The following NEB variants were observed in gnomAD, a reference collection of about 807,000 sequenced individuals.
The protein encoded by NEB is nebulin, also known as nemaline myopathy type 2.
A neutral mutation model predicts 952.2 loss-of-function variants in NEB; 512 were observed. The ratio of observed to expected loss-of-function variants is 0.54; its 90% CI spans 0.50 to 0.58. The LOEUF is 0.58. Among genes scored for constraint, NEB ranks in the 20% least tolerant of loss-of-function variants. The pLI, the probability that NEB is intolerant of heterozygous loss-of-function variation, is 0.00. For missense variants in NEB, 8,428 were observed against 9,231.1 expected (o/e 0.91, Z 3.56); for synonymous variants, 2,900 against 3,149.8 (o/e 0.92, Z 2.66).
chr2:151,646,109 A>G, intron 55 of NEB, 21 bp downstream of exon 55: 2 of 1,514,958 alleles, frequency 1.3e-6, no homozygotes, highest in Non-Finnish European at 1.8e-6. Context: ...CTGAAAACAC[A>G]TGCTGAATTT....
At chr2:151,666,750 C>T (rs2099223118) in intron 40 of NEB, among the ~76,000 whole-genome samples, 2 of 151,722 alleles carry the variant, frequency 1.3e-5, no homozygotes, top group South Asian at 4.2e-4. Flanking sequence ...CTTGCTCTGT[C>T]CCCCAGGCTA....
chr2:151,672,535 T>C lies in NEB; in HGVS notation c.4133A>G (p.Lys1378Arg), dbSNP rs752086781. The change falls in exon 37 of 182, where the codon AAA (lysine) becomes AGA (arginine). Residue 1378 changes from lysine to arginine, a missense_variant. Transcript: ENST00000397345. ...GTCCCCAGGGGTATGGTAGCTGGTT[T>C]TGGTGTTCTCATAGTTCTTCTTGTA... ...REYKKNYENTKTSYHTPGDMV... is the reference protein window; with the variant it reads ...REYKKNYENTRTSYHTPGDMV... The C allele has an allele frequency of 1.2e-6, 2 of 1,614,020 alleles. No individual in the cohort carries two copies. Among genetic ancestry groups the C allele is most frequent in the Admixed American group, 3.3e-5 (2 of 60,020 alleles).
At chr2:151,700,370 C>T (rs1210155220) in intron 13 of NEB, among the ~76,000 whole-genome samples, 104 of 63,806 alleles carry the variant, frequency 1.6e-3, no homozygotes, top group Middle Eastern at 9.5e-3. Context: ...TCCATATGAA[C>T]TTTAAAGTAG....
At chr2:151,713,583 C>T (rs1476651656) in intron 10 of NEB, among the ~76,000 whole-genome samples, 1 of 152,116 alleles carries the variant, frequency 6.6e-6, no homozygotes, top group African/African-American at 2.4e-5. Context: ...GAAATTCCAA[C>T]CTGAAATCTC....
intron 107 of NEB, among the ~76,000 whole-genome samples, chr2:151,573,047 G>C (rs1340162115): frequency 6.6e-6 from 1 of 152,088 alleles, no homozygotes; most frequent in Non-Finnish European, 1.5e-5. Context: ...ACTTTAACGT[G>C]AATTTGCTTT....
chr2:151,656,348 C>G lies in NEB; in HGVS notation c.6300G>C (p.Arg2100=), dbSNP rs1416170808. Residue 2100 remains arginine, a synonymous_variant, in exon 49 of 182, where the codon CGG becomes CGC. Transcript: ENST00000397345. ...TGTTCTCATAGTTTTTCTTGTACTC[C>G]CGATCAGATTGCATCTTAGCCACTT... The part of the protein sequence containing the change: ...SMQVAKMQSD[R]EYKKNYENTK... The G allele has an allele frequency of 6.2e-7, 1 of 1,613,562 alleles. No homozygotes were observed. The highest frequency in any genetic ancestry group is 8.5e-7 in the Non-Finnish European group (1 of 1,179,688).
At chr2:151,644,630 G>A (rs1413045281) in intron 55 of NEB, 55 bp from the exon 56 acceptor site, 1 of 1,384,602 alleles carries the variant, frequency 7.2e-7, no homozygotes, top group South Asian at 1.2e-5. Context: ...GACAAATATA[G>A]CATAATGATC....
At position 151,561,086 on chromosome 2, in the gene NEB, T is replaced by C. The variant is rs2096010151; in HGVS notation, c.19124A>G (p.His6375Arg). The change falls in exon 123 of 182, where the codon CAT becomes CGT. Residue 6375 changes from histidine to arginine, a missense_variant. By Grantham distance (29) the His-to-Arg change is conservative. Around this residue, in one of 11 missense-constraint regions of NEB, gnomAD observed 3,374 missense variants for 3,651.5 expected, o/e 0.92. Transcript: ENST00000397345. ...ASEVKYKENY[H>R]QIKDKYTTVL... The stretch of plus-strand genomic sequence containing the variant: ...TGTTGTGTATTTGTCCTTAATCTGA[T>C]GATAATTTTCTTTATATTTTACCTG... The C allele has an allele frequency of 6.3e-7, 1 of 1,596,256 alleles. No homozygotes were observed. Among genetic ancestry groups the C allele is most frequent in the South Asian group, 1.1e-5 (1 of 88,270 alleles).
intron 156 of NEB, among the ~76,000 whole-genome samples, chr2:151,518,102 T>C (rs1202205246): frequency 1.3e-5 from 2 of 152,214 alleles, no homozygotes; most frequent in East Asian, 1.9e-4. Flanking sequence ...TTCCAGCCCC[T>C]GCCAGTAGCA....
intron 135 of NEB, among the ~76,000 whole-genome samples, chr2:151,545,445 C>T (rs561592841): frequency 6.6e-6 from 1 of 152,096 alleles, no homozygotes; most frequent in Non-Finnish European, 1.5e-5. Flanking sequence ...CGTGGTGGCA[C>T]ATGCCTGTAA....
At chr2:151,503,489 C>G in intron 165 of NEB, 48 bp from the exon 166 acceptor site, 1 of 1,297,166 alleles carries the variant, frequency 7.7e-7, no homozygotes, top group Non-Finnish European at 1.1e-6. Context: ...GACCGTAAAT[C>G]CTTTAGATAG....
rs267598923 is a variant in NEB, at chr2:151,656,012, C to T, written c.6507G>A (p.Lys2169=). 6.2e-7 allele frequency: 1 copy of T among 1,613,182 alleles called. No homozygotes were observed. Among genetic ancestry groups the T allele is most frequent in the Non-Finnish European group, 8.5e-7 (1 of 1,179,410 alleles). ...CTTTGTACCATTCATTGTAATCTTGCTTATATTCATTCTATAAAGAAGATA... is the reference window on the plus strand; with the variant it reads ...CTTTGTACCATTCATTGTAATCTTGTTTATATTCATTCTATAAAGAAGATA... ...MNRIQSDNEY[K]QDYNEWYKGL... Residue 2169 remains lysine, a synonymous_variant, in exon 50 of 182, where the codon AAG becomes AAA. Transcript: ENST00000397345.
At chr2:151,550,156 A>G (rs954785045) in intron 129 of NEB, among the ~76,000 whole-genome samples, 1 of 150,290 alleles carries the variant, frequency 6.7e-6, no homozygotes, top group Non-Finnish European at 1.5e-5. Context: ...AGTCCCAGCT[A>G]CTTAAGAAGC....
In NEB at chr2:151,639,357, C is replaced by T; in HGVS notation, c.8917G>A (p.Asp2973Asn). The change falls in exon 63 of 182, where the codon GAC becomes AAC. Residue 2973 changes from aspartate (D) to asparagine (N), a missense_variant. By Grantham distance (23) the Asp-to-Asn change is conservative. Around this residue, in one of 11 missense-constraint regions of NEB, gnomAD observed 1,772 missense variants for 1,960.3 expected, o/e 0.90. Coordinates refer to ENST00000397345, the MANE Select transcript of NEB (RefSeq NM_001164508.2). ...GGCATTATGTGGATCTGAGTCTTGT[C>T]TTTGTCCCAGGCTTCTGTGTATAAA... Reference protein sequence around the residue: ...KRLYTEAWDKDKTQIHIMPDT... With the variant: ...KRLYTEAWDKNKTQIHIMPDT... 6.5e-7 allele frequency: 1 copy of T among 1,545,980 alleles called. No homozygotes were observed. The highest frequency in any genetic ancestry group is 1.2e-5 in the South Asian group (1 of 84,054).
chr2:151,662,953 GA>G (rs1281347636), intron 45 of NEB, among the ~76,000 whole-genome samples: 1 of 152,168 alleles, frequency 6.6e-6, no homozygotes, highest in Non-Finnish European at 1.5e-5. Flanking sequence ...TTCCCAAAGA[GA>G]AATGTAGCCT....
chr2:151,706,845 T>A, intron 13 of NEB, 36 bp downstream of exon 13: 1 of 1,454,240 alleles, frequency 6.9e-7, no homozygotes, highest in Non-Finnish European at 9.4e-7. Flanking sequence ...CTTTTGCAGC[T>A]AAGGTTTAAA....
At chr2:151,555,098 A>G (rs1435291523) in intron 124 of NEB, 54 bp from the exon 125 acceptor site, 19 of 1,264,876 alleles carry the variant, frequency 1.5e-5, no homozygotes, top group Non-Finnish European at 2.2e-5. Context: ...ATGGATTTAT[A>G]TTATTAAAAC....
rs1242465954 is a variant in NEB at position 151,492,266 on chromosome 2, C to G, written c.24889G>C (p.Asp8297His). Residue 8297 changes from aspartate (D) to histidine (H), a missense_variant, in exon 178 of 182, where the codon GAC becomes CAC. Asp to His is a moderately conservative substitution (Grantham distance 81). Transcript: ENST00000397345. ...RHISTVKYHEDFEKHKGCFTP... is the reference protein window; with the variant it reads ...RHISTVKYHEHFEKHKGCFTP... ...AAGCAACCCTTGTGTTTCTCAAAGT[C>G]TTCATGATATTTCACCTGAAATGTC... 1 of 1,611,668 alleles carries G rather than the reference C, an allele frequency of 6.2e-7. No homozygotes were observed. The highest frequency in any genetic ancestry group is 1.1e-5 in the South Asian group (1 of 90,876).
chr2:151,503,348 C>G lies in NEB; in HGVS notation c.23835+1G>C. 1 of 1,598,882 alleles carries G rather than the reference C, an allele frequency of 6.3e-7. No individual in the cohort carries two copies. The highest frequency in any genetic ancestry group is 8.6e-7 in the Non-Finnish European group (1 of 1,167,292). On this transcript the variant is annotated splice_donor_variant, in intron 166 of 181. Transcript: ENST00000397345. LOFTEE classifies it high-confidence loss of function. ...TTCTTATATGATATATTTGTAAATA[C>G]CGAGCTAAAGTTCTCTTGATTGCGT... is the stretch of plus-strand genomic sequence containing the variant.
Sources: gnomAD v4.1 joint callset for allele counts (sites outside exome capture counted in the v4.1 genomes callset) on GRCh38, gnomAD v4.1.1 for gene constraint, gnomAD v4.1.1 regional missense constraint, MANE v1.5 for transcripts, NCBI Gene and HGNC (gene_info 2026-07-23, HGNC 2026-07-21) for gene names.